The following CHN1 variants were observed in gnomAD, a reference collection of about 807,000 sequenced individuals.
The protein encoded by CHN1 is chimerin 1, also known as N-chimaerin.
In CHN1, 37 loss-of-function variants were observed where a neutral mutation model predicts 59.5. The ratio of observed to expected loss-of-function variants is 0.62; its 90% confidence interval spans 0.48 to 0.82. The LOEUF (loss-of-function observed/expected upper bound fraction) is 0.82, where lower values mean the gene tolerates loss of function less well. Ranked by LOEUF, CHN1 falls within the 40% of genes least tolerant of loss-of-function variation. CHN1 has a pLI of 0.00. For synonymous variants in CHN1, 206 were observed against 200.4 expected (o/e 1.03, Z -0.24); for missense variants, 469 against 571.0 (o/e 0.82, Z 1.82).
intron 7 of CHN1, among the ~76,000 whole-genome samples, chr2:174,830,391 T>TTA (rs1685837617): frequency 6.6e-6 from 1 of 152,226 alleles, no homozygotes; most frequent in Admixed American, 6.5e-5. Flanking sequence ...GGAGGAATAC[T>TTA]TACTATAGGA....
intron 3 of CHN1, among the ~76,000 whole-genome samples, chr2:174,929,836 C>T (rs961024483): frequency 5.9e-5 from 9 of 152,154 alleles, no homozygotes; most frequent in Admixed American, 2.6e-4. Context: ...GAATTGTCAT[C>T]GTGATCTTCA....
intron 3 of CHN1, among the ~76,000 whole-genome samples, chr2:174,919,864 C>T (rs547996413): frequency 5.3e-5 from 8 of 151,946 alleles, no homozygotes; most frequent in Non-Finnish European, 1.0e-4. Context: ...TGTACAACAG[C>T]TCTTTTGAAC....
chr2:174,973,984 G>C lies in CHN1; in HGVS notation c.20-21782C>G, dbSNP rs1690841510. 2.6e-5 allele frequency among the ~76,000 whole-genome samples: 4 copies of C among 152,092 alleles called. 1 individual carries two copies. In the South Asian group the frequency reaches 8.3e-4, roughly 32 times the overall value. ...TCTCTTATATGAACATATGTAAACA[G>C]AATACCTAGAGGTCTCAAGATATCA... On this transcript the variant is annotated intron_variant, in intron 1 of 12. Coordinates refer to ENST00000409900, the MANE Select transcript of CHN1 (RefSeq NM_001822.7).
intron 1 of CHN1, among the ~76,000 whole-genome samples, chr2:174,990,280 A>AGC (rs1691501064): frequency 8.9e-6 from 1 of 111,738 alleles, no homozygotes; most frequent in African/African-American, 3.4e-5. Flanking sequence ...AGAGAGAGAG[A>AGC]GAGAGAGCGC....
At chr2:174,973,253 C>G (rs1411331952) in intron 1 of CHN1, among the ~76,000 whole-genome samples, 2 of 152,208 alleles carry the variant, frequency 1.3e-5, no homozygotes, top group Non-Finnish European at 2.9e-5. Flanking sequence ...ATATGCAGAA[C>G]TATCATGACA....
intron 5 of CHN1, among the ~76,000 whole-genome samples, chr2:174,903,020 A>G (rs1688436757): frequency 6.6e-6 from 1 of 152,210 alleles, no homozygotes; most frequent in Admixed American, 6.5e-5. Context: ...TTCTTCACAC[A>G]AAATCTTCAG....
intron 1 of CHN1, among the ~76,000 whole-genome samples, chr2:174,967,568 TGAAATTCCA>T (rs1281413022): frequency 6.6e-6 from 1 of 152,134 alleles, no homozygotes; most frequent in Non-Finnish European, 1.5e-5. Context: ...TCATAGCACT[TGAAATTCCA>T]GATATTAAAA....
At chr2:174,847,687 A>G in intron 6 of CHN1, 2 of 1,299,304 alleles carry the variant, frequency 1.5e-6, no homozygotes, top group Non-Finnish European at 2.0e-6. Flanking sequence ...AAATCAAGCA[A>G]CAGTATTTAA....
chr2:174,854,717 T>C (rs1686843339), intron 6 of CHN1, among the ~76,000 whole-genome samples: 2 of 152,184 alleles, frequency 1.3e-5, no homozygotes, highest in Admixed American at 1.3e-4. Flanking sequence ...GGGAAGCATT[T>C]TTGCATTACT....
chr2:174,949,153 T>A (rs1215345640), intron 2 of CHN1, among the ~76,000 whole-genome samples: 2 of 152,142 alleles, frequency 1.3e-5, no homozygotes, highest in Non-Finnish European at 2.9e-5. Context: ...TTAATAAACA[T>A]CTTACTGAAG....
At chr2:174,845,244 C>T (rs1343437547) in intron 7 of CHN1, among the ~76,000 whole-genome samples, 1 of 152,072 alleles carries the variant, frequency 6.6e-6, no homozygotes, top group East Asian at 1.9e-4. Context: ...GCTGTTTTTG[C>T]TGAACAAATC....
At chr2:174,821,980 A>G (rs1307635815) in intron 8 of CHN1, among the ~76,000 whole-genome samples, 1 of 152,210 alleles carries the variant, frequency 6.6e-6, no homozygotes, top group South Asian at 2.1e-4. Flanking sequence ...TATCACAGCT[A>G]GTGTGCACTC....
chr2:174,956,630 G>C (rs898893506), intron 1 of CHN1, among the ~76,000 whole-genome samples: 2 of 152,090 alleles, frequency 1.3e-5, no homozygotes, highest in East Asian at 3.9e-4. Context: ...TCATTAGCTG[G>C]GCGTGGTGGC....
chr2:174,945,332 C>T (rs912613456), intron 2 of CHN1: 2 of 202,810 alleles, frequency 9.9e-6, no homozygotes, highest in African/African-American at 2.4e-5. Flanking sequence ...AACCTTGAAA[C>T]TAAAATCAAG....
At chr2:174,891,853 G>T (rs1688063468) in intron 5 of CHN1, among the ~76,000 whole-genome samples, 1 of 151,744 alleles carries the variant, frequency 6.6e-6, no homozygotes, top group African/African-American at 2.4e-5. Context: ...TTTTTAAAAA[G>T]ATCAACAAAA....
intron 1 of CHN1, among the ~76,000 whole-genome samples, chr2:174,956,771 CAAAAA>C (rs34248216): frequency 1.9e-5 from 2 of 104,618 alleles, no homozygotes; most frequent in Non-Finnish European, 4.0e-5. Context: ...GACTCCATCT[CAAAAA>C]AAAAAAAAAA....
chr2:175,005,380 A>G lies in CHN1; in HGVS notation c.-468T>C. ...ACGCCATCTTGCGATAGCGTCTCCCACGAGCTCGGCCGCGCCGCTGCCTCC... is the reference window on the plus strand; with the variant it reads ...ACGCCATCTTGCGATAGCGTCTCCCGCGAGCTCGGCCGCGCCGCTGCCTCC... On this transcript the variant is annotated 5_prime_UTR_variant, in exon 1 of 13. Transcript: ENST00000409900. The G allele has an allele frequency of 9.3e-7, 1 of 1,070,448 alleles. No individual in the cohort carries two copies. Among genetic ancestry groups the G allele is most frequent in the Non-Finnish European group, 1.1e-6 (1 of 879,574 alleles). 66.3% of individuals were successfully genotyped at this position (1,070,448 alleles called of 1,614,324 possible). A position where few individuals can be genotyped will look rare whatever the true frequency, so the allele number is the denominator to read the frequency against.
In CHN1 at chr2:174,858,247, G is replaced by A. The variant is rs150499920; in HGVS notation, c.550-11290C>T. 1.7e-3 allele frequency among the ~76,000 whole-genome samples: 258 copies of A among 152,048 alleles called. 2 individuals carry two copies. The highest frequency in any genetic ancestry group is 6.0e-3 in the African/African-American group (248 of 41,502). On this transcript the variant is annotated intron_variant, in intron 6 of 12. Transcript: ENST00000409900. ...TAGAAAAGCTAATTTCCTTTCTATG[G>A]CAAAAATAAACCACAGTTTGATTAG...
intron 1 of CHN1, among the ~76,000 whole-genome samples, chr2:174,960,866 C>T (rs1218109172): frequency 3.9e-5 from 6 of 152,198 alleles, no homozygotes; most frequent in East Asian, 1.9e-4. Flanking sequence ...GTGGCTCATG[C>T]CTGTAATGTC....
Sources: gnomAD v4.1 joint callset for allele counts (sites outside exome capture counted in the v4.1 genomes callset) on GRCh38, gnomAD v4.1.1 for gene constraint, MANE v1.5 for transcripts, NCBI Gene and HGNC (gene_info 2026-07-23, HGNC 2026-07-21) for gene names.